The following SLC9B2 variants were observed in gnomAD, a reference collection of about 807,000 sequenced individuals.
SLC9B2 encodes sodium/hydrogen exchanger 9B2.
A neutral mutation model predicts 52.2 loss-of-function variants in SLC9B2; 39 were observed. The observed-to-expected ratio is 0.75, with a 90% CI of 0.58 to 0.98. SLC9B2 has a LOEUF of 0.98. SLC9B2 is among the 50% of genes least tolerant of loss of function. The pLI, the probability that SLC9B2 is intolerant of heterozygous loss-of-function variation, is 0.00. For missense variants in SLC9B2, 626 were observed against 637.5 expected (o/e 0.98, Z 0.19); for synonymous variants, 214 against 227.0 (o/e 0.94, Z 0.51).
At chr4:103,031,356 T>G (rs547803516) in intron 10 of SLC9B2, among the ~76,000 whole-genome samples, 1 of 152,294 alleles carries the variant, frequency 6.6e-6, no homozygotes, top group African/African-American at 2.4e-5. Context: ...TCTTTAAAAT[T>G]CTCGCTCTTG....
At chr4:103,032,194 A>C (rs926006142) in intron 9 of SLC9B2, among the ~76,000 whole-genome samples, 2 of 151,958 alleles carry the variant, frequency 1.3e-5, no homozygotes, top group African/African-American at 4.8e-5. Flanking sequence ...TGATTTAGAG[A>C]GCTTGCAATA....
chr4:103,025,228 T>C lies in SLC9B2; in HGVS notation c.*1142A>G, dbSNP rs189909865. Reference sequence around the variant, plus strand: ...TTTTCCTTGAGAGATAGAATGGAGATATGGTAGAGATCCATTTTTAACCCA... The same window carrying C: ...TTTTCCTTGAGAGATAGAATGGAGACATGGTAGAGATCCATTTTTAACCCA... On this transcript the variant is annotated 3_prime_UTR_variant, in exon 12 of 12. Transcript: ENST00000394785. Among the ~76,000 whole-genome samples, 188 of 152,338 alleles carry C rather than the reference T, an allele frequency of 1.2e-3. No homozygotes were observed. The highest frequency in any genetic ancestry group is 4.3e-3 in the African/African-American group (178 of 41,582).
chr4:103,063,184 A>G (rs188335962), intron 3 of SLC9B2, among the ~76,000 whole-genome samples: 13 of 152,316 alleles, frequency 8.5e-5, no homozygotes, highest in African/African-American at 3.1e-4. Flanking sequence ...CATATTTTGA[A>G]TAATAAAAGT....
chr4:103,077,128 A>G (rs781637463), upstream of SLC9B2: 3 of 152,064 alleles, frequency 2.0e-5, no homozygotes, highest in Non-Finnish European at 4.4e-5. Context: ...TGTGTGTGTT[A>G]AGACGCGCGC....
At chr4:103,019,832 C>T, downstream of SLC9B2, 1 of 985,674 alleles carries the variant, frequency 1.0e-6, no homozygotes, top group Non-Finnish European at 1.2e-6. Flanking sequence ...GGTGTGTTTT[C>T]TGTCTATTGA....
rs534456087 is a variant in SLC9B2, at chr4:103,057,936, A to G, written c.307T>C (p.Ser103Pro). 75 of 1,613,824 alleles carry G rather than the reference A, an allele frequency of 4.6e-5. No homozygotes were observed. The highest frequency in any genetic ancestry group is 5.4e-5 in the Non-Finnish European group (64 of 1,179,932). Residue 103 changes from serine (S) to proline (P), a missense_variant, in exon 4 of 12, where the codon TCA becomes CCA. Coordinates refer to ENST00000394785, the MANE Select transcript of SLC9B2 (RefSeq NM_178833.7). ...IIVLLWAVVW[S>P]ITGSECLPGG... ...GGAAGACATTCACTGCCAGTAATTG[A>G]CCAAACTACAGCCCACAGAAGAACA... is the stretch of plus-strand genomic sequence containing the variant.
rs768736288 is a variant in SLC9B2 at position 103,044,898 on chromosome 4, G to C, written c.988C>G (p.Arg330Gly). ...LGFFIQYFPS[R>G]DQDKLVCKRT... Reference sequence around the variant, plus strand: ...CATATTATTTCTTTCACCTGGTCACGGCTTGGAAAGTACTGAATGAAAAAT... The same window carrying C: ...CATATTATTTCTTTCACCTGGTCACCGCTTGGAAAGTACTGAATGAAAAAT... Residue 330 changes from arginine (R) to glycine (G), a missense_variant, in exon 8 of 12, where the codon CGT becomes GGT. Transcript: ENST00000394785. 2.5e-6 allele frequency: 4 copies of C among 1,612,316 alleles called. No homozygotes were observed. Among genetic ancestry groups the C allele is most frequent in the East Asian group, 4.5e-5 (2 of 44,820 alleles).
intron 1 of SLC9B2, among the ~76,000 whole-genome samples, chr4:103,072,585 A>G (rs2110675086): frequency 6.6e-6 from 1 of 152,348 alleles, no homozygotes; most frequent in Middle Eastern, 3.4e-3. Context: ...GTAAATGTTT[A>G]CAAGTACTTT....
chr4:103,071,181 G>GAT (rs1000501906), intron 1 of SLC9B2, among the ~76,000 whole-genome samples: 69 of 150,792 alleles, frequency 4.6e-4, no homozygotes, highest in Non-Finnish European at 7.2e-4. Context: ...TATGTAATTT[G>GAT]ATATATATAT....
rs750386007 is a variant in SLC9B2 at position 103,022,794 on chromosome 4, T to C, written c.*3576A>G. Reference sequence around the variant, plus strand: ...ACTTCCAATGTGATGTATTTAGATATGAGGATTTGGGAAGGCAATTAGATT... The same window carrying C: ...ACTTCCAATGTGATGTATTTAGATACGAGGATTTGGGAAGGCAATTAGATT... On this transcript the variant is annotated 3_prime_UTR_variant, in exon 12 of 12. Coordinates refer to ENST00000394785, the MANE Select transcript of SLC9B2 (RefSeq NM_178833.7). Among the ~76,000 whole-genome samples the C allele has an allele frequency of 6.6e-6, 1 of 152,162 alleles. No homozygotes were observed. The highest frequency in any genetic ancestry group is 1.5e-5 in the Non-Finnish European group (1 of 68,026).
At chr4:103,075,139 C>A (rs761444284) in intron 1 of SLC9B2, among the ~76,000 whole-genome samples, 1 of 152,122 alleles carries the variant, frequency 6.6e-6, no homozygotes, top group East Asian at 1.9e-4. Flanking sequence ...CATCCCTTAA[C>A]AAGTTTCATT....
chr4:103,047,379 TG>T (rs1438960900), intron 6 of SLC9B2, among the ~76,000 whole-genome samples, 153 bp from the exon 7 acceptor site: 1 of 151,758 alleles, frequency 6.6e-6, no homozygotes, highest in Non-Finnish European at 1.5e-5. Context: ...TAATAAGAAT[TG>T]TTTTTTGTTT....
rs78982276 is a variant in SLC9B2, at chr4:103,024,268, G to C, written c.*2102C>G. 1.3e-5 allele frequency among the ~76,000 whole-genome samples: 2 copies of C among 152,102 alleles called. No individual in the cohort carries two copies. Among genetic ancestry groups the C allele is most frequent in the African/African-American group, 4.8e-5 (2 of 41,422 alleles). On this transcript the variant is annotated 3_prime_UTR_variant, in exon 12 of 12. Coordinates refer to ENST00000394785, the MANE Select transcript of SLC9B2 (RefSeq NM_178833.7). ...TATTTTTTGGATGCATCTACTTTTAGAGCCTGCAAAAATAGAGGACCAGAT... is the reference window on the plus strand; with the variant it reads ...TATTTTTTGGATGCATCTACTTTTACAGCCTGCAAAAATAGAGGACCAGAT...
intron 4 of SLC9B2, among the ~76,000 whole-genome samples, chr4:103,056,076 T>C (rs1745112951): frequency 6.6e-6 from 1 of 152,090 alleles, no homozygotes; most frequent in Non-Finnish European, 1.5e-5. Context: ...AGTGCTGGGA[T>C]TACAGGCGTG....
intron 1 of SLC9B2, among the ~76,000 whole-genome samples, chr4:103,074,630 C>T (rs1168779938): frequency 2.0e-5 from 3 of 152,156 alleles, no homozygotes; most frequent in African/African-American, 7.2e-5. Context: ...TTTTAGTCAA[C>T]AGAAATTATT....
At chr4:103,065,255 G>A (rs1376606729) in intron 3 of SLC9B2, among the ~76,000 whole-genome samples, 1 of 151,668 alleles carries the variant, frequency 6.6e-6, no homozygotes, top group Non-Finnish European at 1.5e-5. Context: ...GTTGGTCACA[G>A]GATACAAAAT....
intron 1 of SLC9B2, among the ~76,000 whole-genome samples, chr4:103,072,755 C>T (rs530370448): frequency 6.6e-6 from 1 of 152,238 alleles, no homozygotes; most frequent in Non-Finnish European, 1.5e-5. Flanking sequence ...TTTGGATAGG[C>T]TGACATTTAA....
chr4:103,062,683 C>G (rs113003780), intron 3 of SLC9B2, among the ~76,000 whole-genome samples: 1 of 152,116 alleles, frequency 6.6e-6, no homozygotes, highest in Non-Finnish European at 1.5e-5. Context: ...TGCAATGGCA[C>G]GATCTCAACC....
chr4:103,059,002 G>T (rs2110641709), intron 3 of SLC9B2, among the ~76,000 whole-genome samples: 1 of 152,236 alleles, frequency 6.6e-6, no homozygotes, highest in Admixed American at 6.5e-5. Flanking sequence ...AGAAGTTTGA[G>T]GATGCAGTGT....
Sources: allele counts gnomAD v4.1 joint callset (sites outside exome capture counted in the v4.1 genomes callset), GRCh38; gene constraint gnomAD v4.1.1; transcripts MANE v1.5; gene names NCBI Gene and HGNC (gene_info 2026-07-23, HGNC 2026-07-21).